Variants in PTPN22 observed in about 807,000 individuals in gnomAD.
PTPN22 encodes protein tyrosine phosphatase non-receptor type 22.
PTPN22 carries 85 observed loss-of-function variants against 103.3 expected under a neutral mutation model. The observed-to-expected ratio is 0.82, with a 90% CI of 0.69 to 0.99. The LOEUF is 0.99. Among genes scored for constraint, PTPN22 ranks in the 50% least tolerant of loss-of-function variants. The probability of loss-of-function intolerance (pLI) is 0.00; values close to 1 mark genes in which losing one functional copy is unlikely to be tolerated. For missense variants in PTPN22, 865 were observed against 936.9 expected (o/e 0.92, Z 1.00); for synonymous variants, 323 against 310.2 (o/e 1.04, Z -0.43).
chr1:113,838,752 T>C, intron 11 of PTPN22, 132 bp from the exon 12 acceptor site: 1 of 1,366,904 alleles, frequency 7.3e-7, no homozygotes, highest in Non-Finnish European at 9.6e-7. Context: ...AGAGTTAGAT[T>C]AGCTTCCAAA....
chr1:113,857,008 T>C (rs544566679), intron 5 of PTPN22, among the ~76,000 whole-genome samples: 12 of 152,282 alleles, frequency 7.9e-5, no homozygotes, highest in Admixed American at 4.6e-4. Flanking sequence ...AAAAATATAA[T>C]GTGAACCACA....
chr1:113,859,591 C>A, intron 1 of PTPN22, 131 bp from the exon 2 acceptor site: 2 of 711,414 alleles, frequency 2.8e-6, no homozygotes, highest in Non-Finnish European at 4.7e-6. Context: ...GTTCTGACTC[C>A]GTTCAGGACA....
chr1:113,848,092 A>G (rs1342342289), intron 11 of PTPN22, among the ~76,000 whole-genome samples: 2 of 152,090 alleles, frequency 1.3e-5, no homozygotes, highest in Non-Finnish European at 2.9e-5. Context: ...TTTGTTGCCC[A>G]GGCTGGAGTG....
exon 15 of PTPN22, chr1:113,834,406 G>T (rs1259309118): frequency 6.2e-7 from 1 of 1,613,286 alleles, no homozygotes; most frequent in Non-Finnish European, 8.5e-7. Flanking sequence ...CACAGCTGAG[G>T]ATAAGGATTT....
chr1:113,844,369 G>T (rs540907730), intron 11 of PTPN22, among the ~76,000 whole-genome samples: 11 of 152,300 alleles, frequency 7.2e-5, no homozygotes, highest in South Asian at 2.1e-4. Flanking sequence ...CAGGAGAATC[G>T]CTTGAACCTG....
intron 6 of PTPN22, 52 bp downstream of exon 6, chr1:113,856,496 A>G: frequency 6.2e-7 from 1 of 1,614,094 alleles, no homozygotes; most frequent in Non-Finnish European, 8.5e-7. Context: ...AGCTCTCTAT[A>G]AGGTAGACCC....
chr1:113,844,274 G>T (rs747076459), intron 11 of PTPN22, among the ~76,000 whole-genome samples: 1 of 152,136 alleles, frequency 6.6e-6, no homozygotes, highest in Non-Finnish European at 1.5e-5. Flanking sequence ...GGCCAACATG[G>T]CAAAACCCCA....
intron 11 of PTPN22, among the ~76,000 whole-genome samples, chr1:113,846,992 A>ATTTTT (rs778146828): frequency 2.6e-5 from 2 of 76,116 alleles, no homozygotes; most frequent in African/African-American, 5.3e-5. Flanking sequence ...CCAATGCTAG[A>ATTTTT]TTTTTTTTTT....
At chr1:113,830,494 A>T (rs939999605) in intron 16 of PTPN22, among the ~76,000 whole-genome samples, 2 of 152,200 alleles carry the variant, frequency 1.3e-5, no homozygotes, top group African/African-American at 4.8e-5. Flanking sequence ...AAAAGAAGGG[A>T]GAACTGTTAC....
chr1:113,854,873 A>G (rs1664908617), intron 8 of PTPN22, 34 bp downstream of exon 8: 13 of 1,599,148 alleles, frequency 8.1e-6, no homozygotes, highest in Non-Finnish European at 1.1e-5. Flanking sequence ...CATTTGGTTC[A>G]TTTTGGGTAG....
intron 11 of PTPN22, among the ~76,000 whole-genome samples, chr1:113,847,225 T>C (rs1664160693): frequency 7.0e-6 from 1 of 142,042 alleles, no homozygotes; most frequent in Non-Finnish European, 1.5e-5. Context: ...TCTTGTTTCT[T>C]TGCTGAGACT....
At chr1:113,841,379 A>C (rs903559610) in intron 11 of PTPN22, among the ~76,000 whole-genome samples, 4 of 152,168 alleles carry the variant, frequency 2.6e-5, no homozygotes, top group Admixed American at 6.6e-5. Flanking sequence ...TTTGGCAACG[A>C]TTTCTTGGAT....
At chr1:113,819,718 G>T in intron 19 of PTPN22, 64 bp from the exon 20 acceptor site, 1 of 1,066,698 alleles carries the variant, frequency 9.4e-7, no homozygotes, top group Non-Finnish European at 1.3e-6. Flanking sequence ...CTGTTGATCA[G>T]ATCACATATA....
At chr1:113,867,798 G>C (rs746466056) in intron 1 of PTPN22, among the ~76,000 whole-genome samples, 1 of 152,174 alleles carries the variant, frequency 6.6e-6, no homozygotes, top group African/African-American at 2.4e-5. Context: ...GACATAAGCA[G>C]CATGGCACTG....
exon 2 of PTPN22, chr1:113,859,409 T>C: frequency 6.2e-7 from 1 of 1,614,068 alleles, no homozygotes; most frequent in African/African-American, 1.3e-5. Flanking sequence ...TCAGCCACAG[T>C]TGTAGGATAG....
chr1:113,822,528 G>T (rs1558016195), intron 19 of PTPN22, among the ~76,000 whole-genome samples: 1 of 151,954 alleles, frequency 6.6e-6, no homozygotes, highest in East Asian at 1.9e-4. Flanking sequence ...ATCTAAGATG[G>T]CTTCCCTTTG....
exon 21 of PTPN22, chr1:113,814,760 CT>C: frequency 1.5e-6 from 1 of 673,836 alleles, no homozygotes; most frequent in East Asian, 2.8e-5. Context: ...TGGCATTTTG[CT>C]TTTCTTTTAA....
At chr1:113,850,825 T>C (rs1438533858) in intron 10 of PTPN22, among the ~76,000 whole-genome samples, 1 of 152,254 alleles carries the variant, frequency 6.6e-6, no homozygotes. Flanking sequence ...TGCATCTTCA[T>C]TTGTAAGTGT....
rs148491195 is a variant in PTPN22, at chr1:113,841,871, G to A, written c.916-3251C>T. ...GCCCGCCTCGGCCTCCCAAAGTGCT[G>A]GGATTACAGGCGTGAGCCACCGCAT... On this transcript the variant is annotated intron_variant, in intron 11 of 20. Coordinates refer to ENST00000359785, the Ensembl canonical transcript of PTPN22. Among the ~76,000 whole-genome samples, 67 of 152,128 alleles carry A rather than the reference G, an allele frequency of 4.4e-4. No homozygotes were observed. In the East Asian group the frequency reaches 0.012, roughly 28 times the overall value.
Sources: gnomAD v4.1 joint callset for allele counts (sites outside exome capture counted in the v4.1 genomes callset) on GRCh38, gnomAD v4.1.1 for gene constraint, MANE v1.5 for transcripts, NCBI Gene and HGNC (gene_info 2026-07-23, HGNC 2026-07-21) for gene names.